PFKFB2: variants seen among roughly 807,000 people sequenced by gnomAD.
PFKFB2 encodes the protein 6-phosphofructo-2-kinase/fructose-2,6-biphosphatase 2, also known as 6-phosphofructo-2-kinase/fructose-2,6-bisphosphatase 2.
Under a neutral mutation model 68.0 loss-of-function variants are expected in PFKFB2, and 53 were observed. That is an observed-to-expected ratio of 0.78 (90% CI 0.63 to 0.98). The LOEUF is 0.98. Among genes scored for constraint, PFKFB2 ranks in the 50% least tolerant of loss-of-function variants. The pLI, the probability that PFKFB2 is intolerant of heterozygous loss-of-function variation, is 0.00. For synonymous variants in PFKFB2, 222 were observed against 227.6 expected, an observed-to-expected ratio of 0.98 and a Z score of 0.22; for missense variants, 451 against 642.0, an observed-to-expected ratio of 0.70 and a Z score of 3.22.
intron 2 of PFKFB2, among the ~76,000 whole-genome samples, chr1:207,059,965 G>A (rs1206581124): frequency 2.0e-5 from 3 of 152,176 alleles, no homozygotes; most frequent in Non-Finnish European, 4.4e-5. Context: ...GTGGGAAGTG[G>A]GAGGTGAAGG....
At chr1:207,054,446 G>C (rs566960334) in intron 1 of PFKFB2, among the ~76,000 whole-genome samples, 2 of 152,264 alleles carry the variant, frequency 1.3e-5, no homozygotes, top group South Asian at 2.1e-4. Context: ...TTATTGTTAG[G>C]ACTGAAGAAG....
intron 2 of PFKFB2, among the ~76,000 whole-genome samples, chr1:207,058,910 C>T (rs1225564503): frequency 6.6e-6 from 1 of 152,206 alleles, no homozygotes; most frequent in Admixed American, 6.5e-5. Context: ...AAACAGTTTT[C>T]CATTGTCTAT....
At chr1:207,041,691 CAT>C (rs1208366790) in intron 1 of PFKFB2, among the ~76,000 whole-genome samples, 5 of 152,198 alleles carry the variant, frequency 3.3e-5, no homozygotes, top group African/African-American at 1.2e-4. Context: ...CTGCAATAAA[CAT>C]ATGTGTGCAT....
chr1:207,074,977 A>G lies in PFKFB2; in HGVS notation c.*2606A>G, dbSNP rs1011294834. The G allele has an allele frequency of 1.2e-5, 12 of 985,334 alleles. No homozygotes were observed. In the African/African-American group the frequency reaches 1.9e-4, roughly 16 times the overall value. The allele number at this position is 985,334 out of a possible 1,614,324, so 61.0% of individuals were successfully genotyped here. On this transcript the variant is annotated 3_prime_UTR_variant, in exon 15 of 15. Transcript: ENST00000367080. ...GTGTTTGGCACTTTTACAAGGTTGCATTGTCCACATTTGCTTGGATGGTGG... is the reference window on the plus strand; with the variant it reads ...GTGTTTGGCACTTTTACAAGGTTGCGTTGTCCACATTTGCTTGGATGGTGG...
upstream of PFKFB2, chr1:207,052,862 A>C (rs1682791376): frequency 1.3e-5 from 2 of 152,340 alleles, no homozygotes; most frequent in Admixed American, 6.5e-5. Context: ...TTTAAAGCTT[A>C]CGTTCCCATT....
intron 14 of PFKFB2, among the ~76,000 whole-genome samples, 161 bp downstream of exon 14, chr1:207,071,734 T>C (rs1339358488): frequency 2.4e-5 from 3 of 123,314 alleles, no homozygotes; most frequent in African/African-American, 5.0e-5. Flanking sequence ...ATGTTGGAAT[T>C]ATTTTTTTTT....
At chr1:207,043,159 T>C (rs527889248) in intron 2 of PFKFB2, among the ~76,000 whole-genome samples, 2 of 152,338 alleles carry the variant, frequency 1.3e-5, no homozygotes, top group South Asian at 4.1e-4. Context: ...TGACCAACTT[T>C]GGGAAGCATT....
chr1:207,076,799 CTA>C lies in PFKFB2; in HGVS notation c.*4431_*4432del. 1 of 985,330 alleles carries C rather than the reference CTA, an allele frequency of 1.0e-6. No individual in the cohort carries two copies. Among genetic ancestry groups the C allele is most frequent in the Non-Finnish European group, 1.2e-6 (1 of 829,864 alleles). The allele number at this position is 985,330 out of a possible 1,614,324, so 61.0% of individuals were successfully genotyped here. On this transcript the variant is annotated 3_prime_UTR_variant, in exon 15 of 15. Transcript: ENST00000367080. ...GTCTGTGTGCTGACTGATAGATAGA[CTA>C]TAGTAAAATTTGGGTGTTGCCTGAC... is the stretch of plus-strand genomic sequence containing the variant.
At chr1:207,056,943 C>T (rs926812027) in intron 2 of PFKFB2, among the ~76,000 whole-genome samples, 7 of 152,240 alleles carry the variant, frequency 4.6e-5, no homozygotes, top group Non-Finnish European at 5.9e-5. Context: ...AACCGTTGTT[C>T]CCTTGCTGCT....
chr1:207,069,178 G>T (rs1316496236), intron 10 of PFKFB2, among the ~76,000 whole-genome samples: 3 of 152,034 alleles, frequency 2.0e-5, no homozygotes, highest in East Asian at 3.9e-4. Flanking sequence ...GTTCCCCCCA[G>T]TAGTAGGAGA....
downstream of PFKFB2, chr1:207,080,347 C>A (rs1309892470): frequency 6.6e-6 from 1 of 152,202 alleles, no homozygotes; most frequent in Admixed American, 6.5e-5. Context: ...TGTAGCTTTT[C>A]TCAAATGGTT....
intron 1 of PFKFB2, among the ~76,000 whole-genome samples, chr1:207,040,590 T>A (rs1187787944): frequency 6.6e-6 from 1 of 152,194 alleles, no homozygotes; most frequent in Non-Finnish European, 1.5e-5. Flanking sequence ...TAGGGGAATA[T>A]GTTTGTGTCT....
chr1:207,054,970 T>TA (rs1682877712), intron 2 of PFKFB2, 168 bp downstream of exon 2: 1 of 571,440 alleles, frequency 1.7e-6, no homozygotes, highest in Non-Finnish European at 3.1e-6. Context: ...CAAGTAGACT[T>TA]AGTGAAATGT....
intron 2 of PFKFB2, among the ~76,000 whole-genome samples, chr1:207,042,462 G>A (rs1031503767): frequency 6.8e-6 from 1 of 146,638 alleles, no homozygotes; most frequent in African/African-American, 2.6e-5. Context: ...GCCAGAGAAT[G>A]GTGTGAACCT....
At chr1:207,049,789 C>T, upstream of PFKFB2, 1 of 1,441,126 alleles carries the variant, frequency 6.9e-7, no homozygotes, top group South Asian at 1.4e-5. Flanking sequence ...GTTCTCTAGC[C>T]AAGTCTGTAA....
chr1:207,059,695 C>G (rs1211728520), intron 2 of PFKFB2, among the ~76,000 whole-genome samples: 1 of 152,144 alleles, frequency 6.6e-6, no homozygotes, highest in Non-Finnish European at 1.5e-5. Flanking sequence ...CCATTTCTCC[C>G]TCCTCACCAC....
At chr1:207,079,052 C>A, downstream of PFKFB2, 2 of 1,557,362 alleles carry the variant, frequency 1.3e-6, no homozygotes, top group Non-Finnish European at 1.8e-6. Context: ...CCTCTCCAAA[C>A]GACTGGGATC....
chr1:207,067,585 AC>A lies in PFKFB2; in HGVS notation c.720del (p.Tyr241ThrfsTer3). ...GACTACATCCAGAGCAAGATAGTCT[AC>A]TACCTCATGAATATCCACGTCCAGC... ...VQDYIQSKIV[Y>X]YLMNIHVQPR... On this transcript the variant is annotated frameshift_variant, in exon 9 of 15. Transcript: ENST00000367080. LOFTEE classifies it high-confidence loss of function. 1.2e-6 allele frequency: 2 copies of A among 1,613,734 alleles called. No individual in the cohort carries two copies. The highest frequency in any genetic ancestry group is 1.7e-6 in the Non-Finnish European group (2 of 1,179,686).
chr1:207,076,710 C>T lies in PFKFB2; in HGVS notation c.*4339C>T, dbSNP rs12083861. On this transcript the variant is annotated 3_prime_UTR_variant, in exon 15 of 15. Coordinates refer to ENST00000367080, the MANE Select transcript of PFKFB2 (RefSeq NM_006212.2). ...TCTATATGTTGACCAACTGGTAGAC[C>T]AGGAGGATCTGTGTGCTGATTGACT... The T allele has an allele frequency of 0.016, 12,466 of 798,716 alleles. 1,068 individuals are homozygous for T. In the African/African-American group the frequency reaches 0.21, roughly 14 times the overall value. The allele number at this position is 798,716 out of a possible 1,614,324, so 49.5% of individuals were successfully genotyped here.
Sources: allele counts gnomAD v4.1 joint callset (sites outside exome capture counted in the v4.1 genomes callset), GRCh38; gene constraint gnomAD v4.1.1; transcripts MANE v1.5; gene names NCBI Gene and HGNC (gene_info 2026-07-23, HGNC 2026-07-21).